Variants in THSD7B observed in about 807,000 individuals in gnomAD.
THSD7B encodes the protein thrombospondin type-1 domain-containing protein 7B.
Under a neutral mutation model 213.6 loss-of-function variants are expected in THSD7B, and 138 were observed. The observed-to-expected ratio is 0.65, with a 90% CI of 0.56 to 0.74. The LOEUF is 0.74. Ranked by LOEUF, THSD7B falls within the 30% of genes least tolerant of loss-of-function variation. The pLI is 0.00. For synonymous variants in THSD7B, 742 were observed against 687.0 expected, an observed-to-expected ratio of 1.08 and a Z score of -1.25; for missense variants, 1,931 against 1,991.5, an observed-to-expected ratio of 0.97 and a Z score of 0.58.
rs1464800434 is a variant in THSD7B, at chr2:137,546,419, A to ATC, written c.3139-16801_3139-16800insCT. Among the ~76,000 whole-genome samples the ATC allele has an allele frequency of 6.6e-4, 23 of 34,866 alleles. 1 individual carries two copies. The highest frequency in any genetic ancestry group is 4.6e-3 in the African/African-American group (22 of 4,742). 22.9% of individuals were successfully genotyped at this position (34,866 alleles called of 152,430 possible). On this transcript the variant is annotated intron_variant, in intron 15 of 27. Transcript: ENST00000409968. ...ATTATATATATTATATATATATTAT[A>ATC]TATATTATATATATATTATATATAT...
rs1324278607 is a variant in THSD7B, at chr2:137,546,455, TTATATATAATATATA to T, written c.3139-16742_3139-16728del. 6.1e-4 allele frequency among the ~76,000 whole-genome samples: 12 copies of T among 19,700 alleles called. 1 individual carries two copies. The highest frequency in any genetic ancestry group is 7.7e-4 in the Admixed American group (1 of 1,296). The allele number at this position is 19,700 out of a possible 152,430, so 12.9% of individuals were successfully genotyped here. A position where few individuals can be genotyped will look rare whatever the true frequency, so the allele number is the denominator to read the frequency against. ...ATATATTATATATATTATATATATATTATATATAATATATATATATATAATATATATATATATATA... is the reference window on the plus strand; with the variant it reads ...ATATATTATATATATTATATATATATTATATATAATATATATATATATATA... On this transcript the variant is annotated intron_variant, in intron 15 of 27. Transcript: ENST00000409968.
chr2:136,958,459 A>T (rs1326194385), intron 2 of THSD7B, among the ~76,000 whole-genome samples: 2 of 152,202 alleles, frequency 1.3e-5, no homozygotes, highest in Non-Finnish European at 1.5e-5. Flanking sequence ...TAAAACCCCC[A>T]ACTTGGGAGG....
intron 15 of THSD7B, among the ~76,000 whole-genome samples, chr2:137,497,692 A>G (rs1679603739): frequency 6.6e-6 from 1 of 152,132 alleles, no homozygotes; most frequent in Admixed American, 6.6e-5. Context: ...CATTTCTTTG[A>G]AAACATCTCT....
chr2:136,819,330 C>A (rs182174951), intron 1 of THSD7B, among the ~76,000 whole-genome samples: 1 of 152,146 alleles, frequency 6.6e-6, no homozygotes, highest in East Asian at 1.9e-4. Context: ...CAATTAGGAC[C>A]TTTGGAGAAT....
chr2:136,983,332 A>AAC (rs113710126), intron 2 of THSD7B, among the ~76,000 whole-genome samples: 1,261 of 27,628 alleles, frequency 0.046, 19 homozygotes, highest in African/African-American at 0.08. Flanking sequence ...TTGTTGCTTC[A>AAC]ACACACACAC....
chr2:137,361,787 G>A (rs1053775034), intron 12 of THSD7B, among the ~76,000 whole-genome samples: 1 of 152,170 alleles, frequency 6.6e-6, no homozygotes, highest in African/African-American at 2.4e-5. Context: ...GGGGAGAATG[G>A]AACCAAGTTG....
chr2:137,482,205 G>T (rs1034600222), intron 15 of THSD7B, among the ~76,000 whole-genome samples: 1 of 149,852 alleles, frequency 6.7e-6, no homozygotes, highest in Non-Finnish European at 1.5e-5. Context: ...AAAAAAAAAG[G>T]GTTTAGCCAT....
chr2:137,011,273 C>T (rs1686226541), intron 2 of THSD7B, among the ~76,000 whole-genome samples: 1 of 152,138 alleles, frequency 6.6e-6, no homozygotes, highest in Non-Finnish European at 1.5e-5. Flanking sequence ...CTTTATATTC[C>T]ATTTGTTTCC....
intron 12 of THSD7B, among the ~76,000 whole-genome samples, chr2:137,315,911 T>C (rs1456807930): frequency 1.3e-5 from 2 of 152,266 alleles, no homozygotes; most frequent in South Asian, 4.1e-4. Flanking sequence ...AGTTTGATGA[T>C]GTTTTAACAC....
rs1162882251 is a variant in THSD7B, at chr2:137,271,624, C to T, written c.2267-909C>T. ...AAAATGATTTCTGTTTCTTCTATAC[C>T]CACCTAGCACCGTGTCACTCTCTGA... is the stretch of plus-strand genomic sequence containing the variant. On this transcript the variant is annotated intron_variant, in intron 10 of 27. Transcript: ENST00000409968. Among the ~76,000 whole-genome samples, 3 of 151,258 alleles carry T rather than the reference C, an allele frequency of 2.0e-5. No homozygotes were observed. The East Asian group carries it at 5.8e-4, about 29-fold the overall frequency.
At chr2:137,240,143 C>A (rs1028124362) in intron 9 of THSD7B, among the ~76,000 whole-genome samples, 1 of 152,184 alleles carries the variant, frequency 6.6e-6, no homozygotes, top group Non-Finnish European at 1.5e-5. Flanking sequence ...TCTCTTATTT[C>A]ATTTGTGTTT....
intron 14 of THSD7B, among the ~76,000 whole-genome samples, chr2:137,415,622 T>C (rs2105018477): frequency 6.6e-6 from 1 of 151,080 alleles, no homozygotes; most frequent in East Asian, 2.0e-4. Context: ...AAAATTCAGA[T>C]TCTTGAGGTG....
rs190428018 is a variant in THSD7B, at chr2:137,160,714, C to G, written c.1525+346C>G. Among the ~76,000 whole-genome samples the G allele has an allele frequency of 1.3e-3, 201 of 152,328 alleles. 4 individuals carry two copies. Among genetic ancestry groups the G allele is most frequent in the Admixed American group, 0.011 (164 of 15,298 alleles). On this transcript the variant is annotated intron_variant, in intron 6 of 27. Coordinates refer to ENST00000409968, the MANE Select transcript of THSD7B (RefSeq NM_001316349.2). ...TCTTGGCTCACTGCAATCTCTGCCT[C>G]CTGGGTTCAAACTATTCTCCGGACT...
intron 1 of THSD7B, among the ~76,000 whole-genome samples, chr2:136,815,570 GA>G (rs1362204818): frequency 6.6e-6 from 1 of 151,696 alleles, no homozygotes; most frequent in African/African-American, 2.4e-5. Context: ...ACCTATATTA[GA>G]AAAAAATAAT....
rs376565478 is a variant in THSD7B at position 137,120,314 on chromosome 2, C to T, written c.1369+5021C>T. Among the ~76,000 whole-genome samples, 75 of 151,918 alleles carry T rather than the reference C, an allele frequency of 4.9e-4. 2 individuals carry two copies. In the South Asian group the frequency reaches 0.014, roughly 27 times the overall value. On this transcript the variant is annotated intron_variant, in intron 5 of 27. Transcript: ENST00000409968. ...AACATGCAGATCTCTGGATTCCTCA[C>T]AATGACAGGTGGTGATGAAAAGGTG...
chr2:137,145,572 A>T (rs1679679888), intron 5 of THSD7B, among the ~76,000 whole-genome samples: 1 of 152,118 alleles, frequency 6.6e-6, no homozygotes, highest in Admixed American at 6.6e-5. Flanking sequence ...ATATTATCTG[A>T]AAAGCCATGA....
intron 3 of THSD7B, among the ~76,000 whole-genome samples, chr2:137,079,206 A>C (rs1687693151): frequency 6.6e-6 from 1 of 152,050 alleles, no homozygotes; most frequent in Non-Finnish European, 1.5e-5. Context: ...AAGAAGATAT[A>C]TTCTCTATTA....
intron 2 of THSD7B, among the ~76,000 whole-genome samples, chr2:136,899,846 T>G (rs1461622462): frequency 6.6e-6 from 1 of 152,230 alleles, no homozygotes; most frequent in East Asian, 1.9e-4. Flanking sequence ...GTTCTTAACA[T>G]GTTGCTAATA....
At chr2:137,333,965 C>T (rs1487162556) in intron 12 of THSD7B, among the ~76,000 whole-genome samples, 1 of 152,014 alleles carries the variant, frequency 6.6e-6, no homozygotes, top group Non-Finnish European at 1.5e-5. Context: ...CTGCAAAGGG[C>T]CAGAGAATAG....
Sources: allele counts gnomAD v4.1 joint callset (sites outside exome capture counted in the v4.1 genomes callset), GRCh38; gene constraint gnomAD v4.1.1; transcripts MANE v1.5; gene names NCBI Gene and HGNC (gene_info 2026-07-23, HGNC 2026-07-21).